The following ANK3 variants were observed in gnomAD, a reference collection of about 807,000 sequenced individuals.
ANK3 encodes the protein ankyrin-3.
A neutral mutation model predicts 370.9 loss-of-function variants in ANK3; 57 were observed. The observed-to-expected ratio is 0.15, with a 90% CI of 0.12 to 0.19. The LOEUF (loss-of-function observed/expected upper bound fraction) is 0.19, where lower values mean the gene tolerates loss of function less well. Ranked by LOEUF, ANK3 falls within the 10% of genes least tolerant of loss-of-function variation. The pLI is 1.00. For synonymous variants in ANK3, 1,929 were observed against 1,946.3 expected, an observed-to-expected ratio of 0.99 and a Z score of 0.23; for missense variants, 4,439 against 5,302.1, an observed-to-expected ratio of 0.84 and a Z score of 5.06.
chr10:60,663,983 A>C (rs114741619), intron 1 of ANK3, among the ~76,000 whole-genome samples: 6,231 of 152,246 alleles, frequency 0.041, 162 homozygotes, highest in Middle Eastern at 0.075. Flanking sequence ...ATCATGTAGC[A>C]CTCTTCCTCT....
intron 1 of ANK3, among the ~76,000 whole-genome samples, chr10:60,640,239 A>C (rs903586189): frequency 1.3e-5 from 2 of 150,988 alleles, no homozygotes; most frequent in African/African-American, 4.9e-5. Flanking sequence ...TTCCTTCTGA[A>C]ACTATTCCAA....
At chr10:60,126,406 C>G (rs2132154794) in intron 25 of ANK3, among the ~76,000 whole-genome samples, 1 of 152,286 alleles carries the variant, frequency 6.6e-6, no homozygotes, top group East Asian at 1.9e-4. Flanking sequence ...CCAAGTTTAT[C>G]CAGGTGTGGT....
At chr10:60,502,622 G>C (rs940406205) in intron 2 of ANK3, among the ~76,000 whole-genome samples, 2 of 151,990 alleles carry the variant, frequency 1.3e-5, no homozygotes, top group South Asian at 4.2e-4. Flanking sequence ...TCAGGCTGCA[G>C]TGCGTGATGA....
chr10:60,702,826 G>A (rs1266842188), intron 1 of ANK3, among the ~76,000 whole-genome samples: 1 of 152,074 alleles, frequency 6.6e-6, no homozygotes, highest in Admixed American at 6.6e-5. Flanking sequence ...AGACAACCAG[G>A]CAAGTCATTA....
chr10:60,195,337 T>C (rs1169097324), intron 16 of ANK3, among the ~76,000 whole-genome samples: 1 of 150,488 alleles, frequency 6.6e-6, no homozygotes, highest in African/African-American at 2.5e-5. Context: ...AGAGCCGAGA[T>C]TGCGCCACTG....
intron 23 of ANK3, among the ~76,000 whole-genome samples, chr10:60,150,013 A>G (rs2095032056): frequency 6.6e-6 from 1 of 152,140 alleles, no homozygotes; most frequent in African/African-American, 2.4e-5. Flanking sequence ...CCGGCCTCCT[A>G]TACCACTTGT....
At chr10:60,566,362 C>T (rs1288486632) in intron 2 of ANK3, among the ~76,000 whole-genome samples, 7 of 152,130 alleles carry the variant, frequency 4.6e-5, no homozygotes, top group Admixed American at 6.5e-5. Context: ...CACTTTAAAG[C>T]AAAAGCTACA....
intron 1 of ANK3, among the ~76,000 whole-genome samples, chr10:60,723,939 G>A (rs1371610919): frequency 4.0e-5 from 6 of 151,766 alleles, no homozygotes; most frequent in African/African-American, 1.2e-4. Context: ...GGCTGGGCGC[G>A]GTGGCTCACG....
At chr10:60,193,596 A>G (rs2096533459) in intron 16 of ANK3, among the ~76,000 whole-genome samples, 1 of 151,790 alleles carries the variant, frequency 6.6e-6, no homozygotes, top group Non-Finnish European at 1.5e-5. Context: ...CGGAGGTTGC[A>G]GTGAGCCAAG....
chr10:60,211,024 G>A (rs982447939), intron 9 of ANK3, among the ~76,000 whole-genome samples: 2 of 152,124 alleles, frequency 1.3e-5, no homozygotes, highest in African/African-American at 4.8e-5. Context: ...CTCATGAGCC[G>A]ATACAATCAG....
chr10:60,076,915 A>C (rs2083967686), intron 36 of ANK3, among the ~76,000 whole-genome samples: 1 of 152,178 alleles, frequency 6.6e-6, no homozygotes. Context: ...AGTAATTTCT[A>C]ATGTCCTCTC....
intron 1 of ANK3, among the ~76,000 whole-genome samples, chr10:60,663,397 C>G (rs765088664): frequency 2.0e-5 from 3 of 152,158 alleles, no homozygotes; most frequent in Non-Finnish European, 4.4e-5. Context: ...CTACCTTGAC[C>G]AGTGTTACAA....
intron 2 of ANK3, among the ~76,000 whole-genome samples, chr10:60,586,232 A>G (rs1448282007): frequency 1.3e-5 from 2 of 152,234 alleles, no homozygotes; most frequent in Admixed American, 1.3e-4. Context: ...GATAAGAAAG[A>G]ATTTTCCAGA....
chr10:60,486,205 T>C (rs11597195), intron 2 of ANK3, among the ~76,000 whole-genome samples: 70,176 of 152,042 alleles, frequency 0.46, 16,693 homozygotes, highest in Middle Eastern at 0.56. Flanking sequence ...TTAAATCTCA[T>C]TGATCCTCTA....
At chr10:60,237,238 G>A (rs1160107303) in intron 7 of ANK3, among the ~76,000 whole-genome samples, 1 of 152,202 alleles carries the variant, frequency 6.6e-6, no homozygotes, top group African/African-American at 2.4e-5. Flanking sequence ...GAGTACAAGT[G>A]TGTATTGCTC....
intron 28 of ANK3, among the ~76,000 whole-genome samples, chr10:60,100,240 T>G (rs934990392): frequency 1.4e-5 from 2 of 139,390 alleles, no homozygotes; most frequent in African/African-American, 2.8e-5. Context: ...TATGGTTTTT[T>G]TTTTTTTTTT....
chr10:60,128,708 A>G (rs868602389), intron 25 of ANK3, among the ~76,000 whole-genome samples: 2 of 152,094 alleles, frequency 1.3e-5, no homozygotes, highest in South Asian at 4.1e-4. Context: ...GGGTTAACAA[A>G]TTATTTCATA....
intron 27 of ANK3, 98 bp downstream of exon 27, chr10:60,108,732 C>T: frequency 3.0e-6 from 3 of 992,020 alleles, no homozygotes; most frequent in Non-Finnish European, 4.6e-6. Context: ...TCAGGTACAA[C>T]TAAGCAGTTT....
intron 2 of ANK3, chr10:60,573,104 G>C: frequency 1.5e-6 from 1 of 655,866 alleles, no homozygotes; most frequent in Non-Finnish European, 1.9e-6. Flanking sequence ...AGGCAGTCGG[G>C]AGAGTGATAA....
Sources: allele counts gnomAD v4.1 joint callset (sites outside exome capture counted in the v4.1 genomes callset), GRCh38; gene constraint gnomAD v4.1.1; transcripts MANE v1.5; gene names NCBI Gene and HGNC (gene_info 2026-07-23, HGNC 2026-07-21).